Variants in MEF2C observed in about 807,000 individuals in gnomAD.
The protein encoded by MEF2C is myocyte enhancer factor 2C.
In MEF2C, 6 loss-of-function variants were observed where a neutral mutation model predicts 50.5. The observed-to-expected ratio is 0.12, with a 90% confidence interval of 0.07 to 0.23. The LOEUF (loss-of-function observed/expected upper bound fraction) is 0.23. Ranked by LOEUF, MEF2C falls within the 10% of genes least tolerant of loss-of-function variation. MEF2C has a pLI of 1.00. For synonymous variants in MEF2C, 183 were observed against 228.0 expected, an observed-to-expected ratio of 0.80 and a Z score of 1.78; for missense variants, 276 against 605.0, an observed-to-expected ratio of 0.46 and a Z score of 5.70.
rs920894787 is a variant in MEF2C, at chr5:88,768,090, C to T, written c.259-6762G>A. On this transcript the variant is annotated intron_variant, in intron 3 of 10. Coordinates refer to ENST00000504921, the MANE Select transcript of MEF2C (RefSeq NM_002397.5). ...GTCTCCTCTCTTTAGACTTTCTGAT[C>T]GCTCAGGCTGAATCAGTTTCTCCTT... 3.3e-5 allele frequency among the ~76,000 whole-genome samples: 5 copies of T among 152,172 alleles called. No individual in the cohort carries two copies. The East Asian group carries it at 9.6e-4, about 29-fold the overall frequency.
At chr5:88,734,350 G>A (rs1022768485) in intron 6 of MEF2C, 41 of 985,070 alleles carry the variant, frequency 4.2e-5, no homozygotes, top group Non-Finnish European at 4.8e-5. Flanking sequence ...AAAGAAGGGG[G>A]AGAAAAAAGT....
chr5:88,777,899 CTTTTTTTTTTT>C (rs57841792), intron 3 of MEF2C, among the ~76,000 whole-genome samples: 1 of 77,320 alleles, frequency 1.3e-5, no homozygotes. Context: ...TTTTTCTTTT[CTTTTTTTTTTT>C]TTTTTTTTTT....
intron 3 of MEF2C, among the ~76,000 whole-genome samples, chr5:88,796,643 C>A (rs1260382707): frequency 6.6e-6 from 1 of 152,002 alleles, no homozygotes; most frequent in Non-Finnish European, 1.5e-5. Flanking sequence ...CAGTTCGGCT[C>A]TTAGTTATTT....
chr5:88,873,700 C>G (rs1830205028), intron 1 of MEF2C, among the ~76,000 whole-genome samples: 1 of 127,108 alleles, frequency 7.9e-6, no homozygotes, highest in Non-Finnish European at 1.6e-5. Flanking sequence ...CTATCAATGT[C>G]GTCACGGATT....
intron 3 of MEF2C, among the ~76,000 whole-genome samples, chr5:88,774,139 T>C (rs982807899): frequency 6.6e-6 from 1 of 152,186 alleles, no homozygotes; most frequent in African/African-American, 2.4e-5. Context: ...AAAAGGCTCC[T>C]TGCAGGTTCA....
intron 1 of MEF2C, chr5:88,844,669 A>G (rs1818667169): frequency 1.5e-6 from 1 of 660,878 alleles, no homozygotes; most frequent in Non-Finnish European, 1.9e-6. Context: ...ATATTTCTTA[A>G]TGCACTTCTA....
chr5:88,731,803 A>C lies in MEF2C; in HGVS notation c.736T>G (p.Leu246Val), dbSNP rs1175233907. The C allele has an allele frequency of 6.2e-7, 1 of 1,613,230 alleles. No homozygotes were observed. The highest frequency in any genetic ancestry group is 8.5e-7 in the Non-Finnish European group (1 of 1,179,506). Reference sequence around the variant, plus strand: ...TCTGGTTTACGGTTATTCATTCCTAAATTCATTGGGGGAGGAGATTTTGCT... The same window carrying C: ...TCTGGTTTACGGTTATTCATTCCTACATTCATTGGGGGAGGAGATTTTGCT... ...MQAKSPPPMN[L>V]GMNNRKPDLR... Residue 246 changes from leucine (L) to valine (V), a missense_variant, in exon 7 of 11, where the codon TTA becomes GTA. Around this residue, in one of 2 missense-constraint regions of MEF2C, gnomAD observed 256 missense variants for 468.1 expected, o/e 0.55. Transcript: ENST00000504921.
At chr5:88,820,074 A>C (rs1807512375) in intron 2 of MEF2C, among the ~76,000 whole-genome samples, 1 of 117,770 alleles carries the variant, frequency 8.5e-6, no homozygotes, top group African/African-American at 4.6e-5. Context: ...ATTATTTGTA[A>C]TTATATATAT....
chr5:88,737,734 A>G (rs965076648), intron 6 of MEF2C: 9 of 985,414 alleles, frequency 9.1e-6, no homozygotes, highest in Non-Finnish European at 1.1e-5. Flanking sequence ...CATTCCTCTG[A>G]AGATGAAACA....
intron 6 of MEF2C, chr5:88,740,179 T>C: frequency 4.1e-6 from 4 of 985,140 alleles, no homozygotes; most frequent in Non-Finnish European, 4.8e-6. Flanking sequence ...GAATTTCATA[T>C]CTAGCCTATT....
At chr5:88,832,057 C>T (rs1011378370) in intron 1 of MEF2C, among the ~76,000 whole-genome samples, 1 of 152,116 alleles carries the variant, frequency 6.6e-6, no homozygotes, top group Admixed American at 6.6e-5. Flanking sequence ...TCAAGTGGAA[C>T]TAAATTTCCT....
chr5:88,891,060 T>C (rs767225631), intron 1 of MEF2C, among the ~76,000 whole-genome samples: 8 of 152,176 alleles, frequency 5.3e-5, no homozygotes, highest in Non-Finnish European at 1.2e-4. Flanking sequence ...CAGGAAGAAA[T>C]TCCATTTAAC....
At chr5:88,798,042 G>A (rs946037065) in intron 3 of MEF2C, among the ~76,000 whole-genome samples, 1 of 152,114 alleles carries the variant, frequency 6.6e-6, no homozygotes, top group African/African-American at 2.4e-5. Context: ...TTCCCTTTGT[G>A]GGTAGCTCGA....
intron 3 of MEF2C, among the ~76,000 whole-genome samples, chr5:88,787,811 G>A (rs1162102131): frequency 6.6e-6 from 1 of 152,076 alleles, no homozygotes; most frequent in Non-Finnish European, 1.5e-5. Flanking sequence ...CTTTCCTGTT[G>A]GAAAAGTTCA....
chr5:88,741,605 A>G, intron 6 of MEF2C: 1 of 982,566 alleles, frequency 1.0e-6, no homozygotes, highest in Non-Finnish European at 1.2e-6. Context: ...TTAATGTTAT[A>G]ATGTTTGAAT....
chr5:88,734,170 T>G (rs1762868550), intron 6 of MEF2C: 2 of 985,016 alleles, frequency 2.0e-6, no homozygotes, highest in African/African-American at 3.5e-5. Flanking sequence ...AATTAATAGA[T>G]TCTACGGGAT....
chr5:88,839,187 A>C (rs1246120771), intron 1 of MEF2C: 1 of 152,188 alleles, frequency 6.6e-6, no homozygotes, highest in Non-Finnish European at 1.5e-5. Context: ...TTTCATAGGC[A>C]GAACACCATG....
At chr5:88,843,844 C>T (rs1818337149) in intron 1 of MEF2C, among the ~76,000 whole-genome samples, 1 of 143,990 alleles carries the variant, frequency 6.9e-6, no homozygotes, top group African/African-American at 2.6e-5. Context: ...TCTTGCTGCT[C>T]TGTCACCCAG....
intron 1 of MEF2C, among the ~76,000 whole-genome samples, chr5:88,867,087 G>T (rs188947516): frequency 3.9e-4 from 59 of 152,294 alleles, no homozygotes; most frequent in Admixed American, 1.0e-3. Context: ...CATTGCTTGT[G>T]AAAAGATTTA....
Sources: gnomAD v4.1 joint callset for allele counts (sites outside exome capture counted in the v4.1 genomes callset) on GRCh38, gnomAD v4.1.1 for gene constraint, gnomAD v4.1.1 regional missense constraint, MANE v1.5 for transcripts, NCBI Gene and HGNC (gene_info 2026-07-23, HGNC 2026-07-21) for gene names.